The following DYM variants were observed in gnomAD, a reference collection of about 807,000 sequenced individuals.
DYM encodes dyggve-Melchior-Clausen syndrome protein.
DYM carries 78 observed loss-of-function variants against 93.1 expected under a neutral mutation model. The ratio of observed to expected loss-of-function variants is 0.84; its 90% CI spans 0.70 to 1.01. The LOEUF (loss-of-function observed/expected upper bound fraction) is 1.01, where lower values mean the gene tolerates loss of function less well. Among genes scored for constraint, DYM ranks in the 50% least tolerant of loss-of-function variants. The pLI, the probability that DYM is intolerant of heterozygous loss-of-function variation, is 0.00. For synonymous variants in DYM, 321 were observed against 319.7 expected (o/e 1.00, Z -0.04); for missense variants, 789 against 845.0 (o/e 0.93, Z 0.82).
At chr18:49,084,102 A>G (rs984155986) in intron 17 of DYM, among the ~76,000 whole-genome samples, 3 of 152,032 alleles carry the variant, frequency 2.0e-5, no homozygotes, top group Non-Finnish European at 4.4e-5. Flanking sequence ...CTTTTATTCT[A>G]ATGTAGGATT....
Position 49,101,090 on chromosome 18 carries a change from G to A in DYM, c.1912-3575C>T, listed in dbSNP as rs765303829. Among the ~76,000 whole-genome samples the A allele has an allele frequency of 3.9e-4, 60 of 152,286 alleles. 1 individual carries two copies. The highest frequency in any genetic ancestry group is 7.1e-4 in the Non-Finnish European group (48 of 68,020). On this transcript the variant is annotated intron_variant, in intron 16 of 17. Transcript: ENST00000675505. Reference sequence around the variant, plus strand: ...TTTTGCATATAATAGTACTTTTAGTGATGATGACTACAACAGATGTGTGGC... The same window carrying A: ...TTTTGCATATAATAGTACTTTTAGTAATGATGACTACAACAGATGTGTGGC...
intron 14 of DYM, among the ~76,000 whole-genome samples, chr18:49,193,506 CAA>C (rs911034249): frequency 1.3e-5 from 2 of 152,148 alleles, no homozygotes; most frequent in African/African-American, 4.8e-5. Flanking sequence ...GGAAAAATGC[CAA>C]AGTCACTCTT....
At chr18:49,099,551 T>C (rs1305201166) in intron 16 of DYM, among the ~76,000 whole-genome samples, 1 of 152,184 alleles carries the variant, frequency 6.6e-6, no homozygotes, top group East Asian at 1.9e-4. Context: ...TTTTACATAT[T>C]ATAAAATGTT....
At chr18:49,139,338 AAAT>A (rs2084204946) in intron 15 of DYM, among the ~76,000 whole-genome samples, 1 of 152,160 alleles carries the variant, frequency 6.6e-6, no homozygotes, top group Non-Finnish European at 1.5e-5. Context: ...TCTTATTCTG[AAAT>A]AATGTGTACT....
intron 8 of DYM, among the ~76,000 whole-genome samples, chr18:49,301,398 A>G (rs887881032): frequency 5.3e-5 from 8 of 151,738 alleles, no homozygotes; most frequent in African/African-American, 1.9e-4. Context: ...GTGGGCGCCT[A>G]CAGTCCCAGC....
At chr18:49,139,459 T>C (rs929797834) in intron 15 of DYM, among the ~76,000 whole-genome samples, 2 of 152,202 alleles carry the variant, frequency 1.3e-5, no homozygotes, top group East Asian at 3.8e-4. Context: ...TAAGTTTTAC[T>C]GATATGCTAA....
intron 14 of DYM, among the ~76,000 whole-genome samples, chr18:49,165,580 TATC>T (rs1329778391): frequency 3.3e-5 from 5 of 152,160 alleles, no homozygotes; most frequent in African/African-American, 1.2e-4. Flanking sequence ...TTTCAACTCA[TATC>T]ATCAAGGAAA....
At chr18:49,080,245 GC>G (rs2077756894) in intron 17 of DYM, among the ~76,000 whole-genome samples, 1 of 129,604 alleles carries the variant, frequency 7.7e-6, no homozygotes, top group Non-Finnish European at 1.7e-5. Flanking sequence ...GGGGCGGCTG[GC>G]CGGGCAGAGG....
chr18:49,254,481 GCAC>G (rs2094353018), intron 13 of DYM, among the ~76,000 whole-genome samples: 1 of 151,962 alleles, frequency 6.6e-6, no homozygotes, highest in Non-Finnish European at 1.5e-5. Context: ...ATGAAGTAAA[GCAC>G]TACTCATTAT....
rs1388208952 is a variant in DYM at position 49,391,644 on chromosome 18, T to C, written c.142A>G (p.Ser48Gly). The C allele has an allele frequency of 6.2e-7, 1 of 1,612,686 alleles. No homozygotes were observed. Among genetic ancestry groups the C allele is most frequent in the Admixed American group, 1.7e-5 (1 of 59,976 alleles). The change falls in exon 3 of 18, where the codon AGT becomes GGT. Residue 48 changes from serine to glycine, a missense_variant and splice_region_variant. Coordinates refer to ENST00000675505, the MANE Select transcript of DYM (RefSeq NM_001353214.3). ...SFSFPAPTSS[S>G]ELKLLEEATI... ...GCTTCCTCCAAGAGTTTCAACTCAC[T>C]ACTGGAGAGACAGAAGAATAAAGGT...
At chr18:49,355,623 T>G (rs2147236864) in intron 6 of DYM, among the ~76,000 whole-genome samples, 1 of 152,292 alleles carries the variant, frequency 6.6e-6, no homozygotes, top group South Asian at 2.1e-4. Context: ...TTATAACAAA[T>G]GTATTCCTCT....
chr18:49,373,263 A>G (rs2067209545), intron 5 of DYM, among the ~76,000 whole-genome samples: 1 of 152,158 alleles, frequency 6.6e-6, no homozygotes, highest in Non-Finnish European at 1.5e-5. Context: ...AGTGAAAGCA[A>G]GTTTATTAAG....
In DYM at chr18:49,323,579, A is replaced by C. The variant is rs185446686; in HGVS notation, c.763+8285T>G. On this transcript the variant is annotated intron_variant, in intron 8 of 17. Transcript: ENST00000675505. The stretch of plus-strand genomic sequence containing the variant: ...TAGTGCCCTCAAAAGAAAAGACCAG[A>C]GCTTCCTTTCTCTGCCCTGTGAGGA... Among the ~76,000 whole-genome samples, 43 of 152,298 alleles carry C rather than the reference A, an allele frequency of 2.8e-4. 1 individual carries two copies. The East Asian group carries it at 6.9e-3, about 25-fold the overall frequency.
At chr18:49,202,243 A>C (rs899554645) in intron 14 of DYM, among the ~76,000 whole-genome samples, 5 of 152,230 alleles carry the variant, frequency 3.3e-5, no homozygotes, top group Admixed American at 6.5e-5. Context: ...GCTTGTGGTG[A>C]GCCATTCGCG....
chr18:49,195,982 G>T (rs1221504245), intron 14 of DYM, among the ~76,000 whole-genome samples: 6 of 128,968 alleles, frequency 4.7e-5, no homozygotes, highest in African/African-American at 1.8e-4. Context: ...GGAGTGCAGT[G>T]GTGCGATCTC....
intron 17 of DYM, among the ~76,000 whole-genome samples, chr18:49,080,704 AC>A (rs2077874239): frequency 7.2e-6 from 1 of 138,144 alleles, no homozygotes; most frequent in African/African-American, 2.8e-5. Flanking sequence ...CACTTCCCAG[AC>A]GGGGTGGCTG....
rs931849407 is a variant in DYM at position 49,396,401 on chromosome 18, AT to A, written c.141-4757del. ...AGACCAGGAGCATTTCTGATTTCAG[AT>A]TTTTTTTTCCGATTTTGAAATATTT... On this transcript the variant is annotated intron_variant, in intron 2 of 17. Transcript: ENST00000675505. 5.3e-5 allele frequency among the ~76,000 whole-genome samples: 8 copies of A among 151,740 alleles called. No homozygotes were observed. The South Asian group carries it at 1.2e-3, about 24-fold the overall frequency.
intron 14 of DYM, among the ~76,000 whole-genome samples, chr18:49,207,029 TCTC>T (rs956014385): frequency 1.3e-5 from 2 of 152,218 alleles, no homozygotes; most frequent in African/African-American, 4.8e-5. Context: ...TCTCCATCTT[TCTC>T]CTCATTTTTA....
chr18:49,159,093 G>A (rs1385902233), intron 15 of DYM, among the ~76,000 whole-genome samples: 2 of 152,068 alleles, frequency 1.3e-5, no homozygotes, highest in African/African-American at 4.8e-5. Context: ...GTATATCTTT[G>A]TATTATTTAT....
Sources: gnomAD v4.1 joint callset for allele counts (sites outside exome capture counted in the v4.1 genomes callset) on GRCh38, gnomAD v4.1.1 for gene constraint, MANE v1.5 for transcripts, NCBI Gene and HGNC (gene_info 2026-07-23, HGNC 2026-07-21) for gene names.